The following ANKRD66 variants were observed in gnomAD, a reference collection of about 807,000 sequenced individuals.
The protein encoded by ANKRD66 is ankyrin repeat domain-containing protein 66.
A neutral mutation model predicts 10.9 loss-of-function variants in ANKRD66; 10 were observed. The ratio of observed to expected loss-of-function variants is 0.91; its 90% CI spans 0.56 to 1.55. The LOEUF (loss-of-function observed/expected upper bound fraction) is 1.55, where lower values mean the gene tolerates loss of function less well. Among genes scored for constraint, ANKRD66 ranks in the 40% most tolerant of loss-of-function variants. The pLI is 0.00. For synonymous variants in ANKRD66, 85 were observed against 88.4 expected (o/e 0.96, Z 0.22); for missense variants, 252 against 242.9 (o/e 1.04, Z -0.25).
chr6:46,753,883 T>G lies in ANKRD66; in HGVS notation c.325T>G (p.Phe109Val). The stretch of plus-strand genomic sequence containing the variant: ...CGCTGCCATCGACGCCCCTGACTTC[T>G]TTGGAGACACACCGAAGAGGATTGC... ...LHAAIDAPDF[F>V]GDTPKRIAQI... Residue 109 changes from phenylalanine to valine, a missense_variant, in exon 4 of 5, where the codon TTT (phenylalanine) becomes GTT (valine). Phe to Val is a conservative substitution (Grantham distance 50). Transcript: ENST00000565422. 1 of 1,551,670 alleles carries G rather than the reference T, an allele frequency of 6.4e-7. No homozygotes were observed. Among genetic ancestry groups the G allele is most frequent in the Non-Finnish European group, 8.7e-7 (1 of 1,146,996 alleles).
chr6:46,754,152 T>C (rs568056049), intron 4 of ANKRD66, among the ~76,000 whole-genome samples: 2 of 152,296 alleles, frequency 1.3e-5, no homozygotes, highest in Non-Finnish European at 2.9e-5. Flanking sequence ...GTCAAAACTA[T>C]ATTAACATGT....
chr6:46,752,310 C>T (rs1449709077), intron 3 of ANKRD66, among the ~76,000 whole-genome samples, 199 bp downstream of exon 3: 2 of 152,196 alleles, frequency 1.3e-5, no homozygotes, highest in Non-Finnish European at 2.9e-5. Flanking sequence ...TCTCAGCTCA[C>T]TATAACCTCC....
intron 4 of ANKRD66, among the ~76,000 whole-genome samples, chr6:46,754,969 T>C (rs1182972482): frequency 1.3e-5 from 2 of 152,190 alleles, no homozygotes; most frequent in Non-Finnish European, 2.9e-5. Context: ...CTCTGAACTT[T>C]TTAAAATCCT....
At chr6:46,758,543 C>A in intron 4 of ANKRD66, 180 bp from the exon 5 acceptor site, 1 of 487,444 alleles carries the variant, frequency 2.1e-6, no homozygotes, top group African/African-American at 1.9e-5. Flanking sequence ...TTTTCTCCAC[C>A]TCCAAGTAGT....
intron 4 of ANKRD66, 169 bp from the exon 5 acceptor site, chr6:46,758,554 T>A: frequency 1.9e-6 from 1 of 527,124 alleles, no homozygotes; most frequent in Admixed American, 3.5e-5. Context: ...TCCAAGTAGT[T>A]TCTTTAGTGT....
At chr6:46,758,202 T>G (rs547051935) in intron 4 of ANKRD66, 1 of 152,478 alleles carries the variant, frequency 6.6e-6, no homozygotes, top group South Asian at 2.1e-4. Context: ...TCCCATTGTC[T>G]ATGTGTGTAT....
intron 3 of ANKRD66, among the ~76,000 whole-genome samples, chr6:46,752,732 C>A (rs1361753908): frequency 1.6e-4 from 25 of 152,074 alleles, no homozygotes; most frequent in Non-Finnish European, 1.5e-5. Context: ...TAATATTAGT[C>A]CTTTGCCCTC....
intron 4 of ANKRD66, chr6:46,756,807 CT>C (rs1419230431): frequency 6.6e-6 from 1 of 152,180 alleles, no homozygotes; most frequent in African/African-American, 2.4e-5. Context: ...ATGCTATTCT[CT>C]TTTAGTTTTT....
chr6:46,752,042 C>G lies in ANKRD66; in HGVS notation c.94C>G (p.Leu32Val). Reference sequence around the variant, plus strand: ...AGTGAAGAAGATTTTGAAGAAAGGTCTCTGTGACCCAAACTACAAAGATGT... The same window carrying G: ...AGTGAAGAAGATTTTGAAGAAAGGTGTCTGTGACCCAAACTACAAAGATGT... Reference protein sequence around the residue: ...SLVKKILKKGLCDPNYKDVDW... With the variant: ...SLVKKILKKGVCDPNYKDVDW... Residue 32 changes from leucine to valine, a missense_variant, in exon 3 of 5, where the codon CTC becomes GTC. Coordinates refer to ENST00000565422, the MANE Select transcript of ANKRD66 (RefSeq NM_001162435.3). 1.3e-6 allele frequency: 2 copies of G among 1,538,330 alleles called. No homozygotes were observed. The highest frequency in any genetic ancestry group is 1.8e-6 in the Non-Finnish European group (2 of 1,141,428).
intron 1 of ANKRD66, 84 bp from the exon 2 acceptor site, chr6:46,749,812 T>C (rs902938580): frequency 9.7e-6 from 14 of 1,450,284 alleles, no homozygotes; most frequent in East Asian, 8.0e-5. Flanking sequence ...TTTCCGGTCT[T>C]TGTGAATGGT....
Position 46,758,881 on chromosome 6 carries a change from G to T in ANKRD66, c.551G>T (p.Gly184Val), listed in dbSNP as rs769100733. The T allele has an allele frequency of 1.3e-6, 2 of 1,551,350 alleles. No homozygotes were observed. Among genetic ancestry groups the T allele is most frequent in the Non-Finnish European group, 1.7e-6 (2 of 1,146,808 alleles). The stretch of plus-strand genomic sequence containing the variant: ...AATAAAAAGAATAAGAAAAGTCGAG[G>T]CCCCACCAGGCCCAGCAATACCAAG... ...NMNKKNKKSR[G>V]PTRPSNTKGR... is the part of the protein sequence containing the mutation. The change falls in exon 5 of 5, where the codon GGC becomes GTC. Residue 184 changes from glycine (G) to valine (V), a missense_variant. By Grantham distance (109) the Gly-to-Val change is moderately radical (BLOSUM62 -3). Transcript: ENST00000565422.
intron 1 of ANKRD66, among the ~76,000 whole-genome samples, chr6:46,748,707 G>A (rs1766196166): frequency 6.6e-6 from 1 of 152,100 alleles, no homozygotes; most frequent in South Asian, 2.1e-4. Flanking sequence ...TGAGGCCCAG[G>A]CATCTGTATT....
intron 2 of ANKRD66, among the ~76,000 whole-genome samples, chr6:46,750,641 TATATATA>T (rs1331412083): frequency 2.0e-5 from 3 of 148,562 alleles, no homozygotes; most frequent in Non-Finnish European, 4.5e-5. Context: ...CACACATATG[TATATATA>T]ATATATAATT....
intron 4 of ANKRD66, among the ~76,000 whole-genome samples, chr6:46,754,908 A>G (rs1766350876): frequency 6.6e-6 from 1 of 152,196 alleles, no homozygotes; most frequent in Admixed American, 6.5e-5. Flanking sequence ...ATCATCCCCT[A>G]CATTCAACGA....
intron 4 of ANKRD66, chr6:46,757,405 G>C (rs1766405274): frequency 6.6e-6 from 1 of 152,232 alleles, no homozygotes; most frequent in African/African-American, 2.4e-5. Context: ...GGAGCATAAG[G>C]TCAGGTGACG....
intron 1 of ANKRD66, among the ~76,000 whole-genome samples, chr6:46,749,337 T>A (rs1766212206): frequency 6.6e-6 from 1 of 152,104 alleles, no homozygotes; most frequent in South Asian, 2.1e-4. Context: ...GATCTGAGCA[T>A]CACTAGGGCA....
Position 46,758,876 on chromosome 6 carries a change from T to C in ANKRD66, c.546T>C (p.Ser182=). The change falls in exon 5 of 5, where the codon AGT becomes AGC. Residue 182 remains serine (S), a synonymous_variant. Coordinates refer to ENST00000565422, the MANE Select transcript of ANKRD66 (RefSeq NM_001162435.3). ...ACATGAATAAAAAGAATAAGAAAAG[T>C]CGAGGCCCCACCAGGCCCAGCAATA... ...NQNMNKKNKK[S]RGPTRPSNTK... is the part of the protein sequence containing the mutation. 2 of 1,551,444 alleles carry C rather than the reference T, an allele frequency of 1.3e-6. No homozygotes were observed. Among genetic ancestry groups the C allele is most frequent in the African/African-American group, 2.7e-5 (2 of 73,116 alleles).
intron 1 of ANKRD66, among the ~76,000 whole-genome samples, chr6:46,747,679 T>C (rs2150725132): frequency 6.6e-6 from 1 of 152,354 alleles, no homozygotes; most frequent in South Asian, 2.1e-4. Context: ...TATTCCACAT[T>C]TTGTGTATCT....
intron 1 of ANKRD66, among the ~76,000 whole-genome samples, chr6:46,749,560 C>CCCCG (rs1766221665): frequency 2.1e-4 from 22 of 105,240 alleles, no homozygotes; most frequent in African/African-American, 8.4e-4. Flanking sequence ...TCCCCCCCCC[C>CCCCG]CCCCCCCGCT....
Sources: allele counts gnomAD v4.1 joint callset (sites outside exome capture counted in the v4.1 genomes callset), GRCh38; gene constraint gnomAD v4.1.1; transcripts MANE v1.5; gene names NCBI Gene and HGNC (gene_info 2026-07-23, HGNC 2026-07-21).